Variants in ORC6 observed in about 807,000 individuals in gnomAD.
ORC6 encodes the protein origin recognition complex, subunit 6 homolog-like (yeast).
A neutral mutation model predicts 30.0 loss-of-function variants in ORC6; 31 were observed. The observed-to-expected ratio is 1.03, with a 90% CI of 0.78 to 1.40. The LOEUF (loss-of-function observed/expected upper bound fraction) is 1.40, where lower values mean the gene tolerates loss of function less well. Ranked by LOEUF, ORC6 falls within the 40% of genes most tolerant of loss-of-function variation. The pLI is 0.00. For missense variants in ORC6, 340 were observed against 304.3 expected (o/e 1.12, Z -0.87); for synonymous variants, 136 against 111.2 (o/e 1.22, Z -1.40).
intron 3 of ORC6, among the ~76,000 whole-genome samples, chr16:46,692,783 G>T (rs990592541): frequency 6.6e-6 from 1 of 152,136 alleles, no homozygotes; most frequent in East Asian, 1.9e-4. Flanking sequence ...CAGGAGAATT[G>T]CTTGAACCCA....
intron 4 of ORC6, chr16:46,695,208 C>T: frequency 3.8e-6 from 1 of 260,174 alleles, no homozygotes; most frequent in Non-Finnish European, 7.5e-6. Context: ...TGTTACATTC[C>T]TGTAATATAA....
chr16:46,691,983 C>CTCTCTCTCTCTCTCTCT (rs1357880671), intron 2 of ORC6, among the ~76,000 whole-genome samples: 35 of 148,750 alleles, frequency 2.4e-4, no homozygotes, highest in African/African-American at 3.7e-4. Flanking sequence ...CTCTCTCTCA[C>CTCTCTCTCTCTCTCTCT]CACCCCGCCC....
At chr16:46,690,485 C>T (rs1289009893) in intron 1 of ORC6, among the ~76,000 whole-genome samples, 6 of 152,174 alleles carry the variant, frequency 3.9e-5, no homozygotes, top group Non-Finnish European at 8.8e-5. Context: ...CAGTGGTTCT[C>T]AAAATGTGGT....
Position 46,698,030 on chromosome 16 carries a change from A to G in ORC6, c.*445A>G, listed in dbSNP as rs1215119059. The stretch of plus-strand genomic sequence containing the variant: ...CTCAGTAGGCTGAGACAGGAGCATC[A>G]CTTGAACGTGGGAGGCAGAGGTTGC... On this transcript the variant is annotated 3_prime_UTR_variant, in exon 7 of 7. Coordinates refer to ENST00000219097, the MANE Select transcript of ORC6 (RefSeq NM_014321.4). The G allele has an allele frequency of 4.9e-6, 2 of 409,334 alleles. No individual in the cohort carries two copies. Among genetic ancestry groups the G allele is most frequent in the East Asian group, 7.2e-5 (1 of 13,850 alleles). The allele number at this position is 409,334 out of a possible 1,614,324, so 25.4% of individuals were successfully genotyped here. A position where few individuals can be genotyped will look rare whatever the true frequency, so the allele number is the denominator to read the frequency against.
chr16:46,693,470 AG>A, intron 4 of ORC6: 1 of 482,992 alleles, frequency 2.1e-6, no homozygotes, highest in African/African-American at 1.9e-5. Flanking sequence ...TCATTAAAAC[AG>A]TCTTCACATG....
Position 46,697,622 on chromosome 16 carries a change from A to T in ORC6, c.*37A>T, listed in dbSNP as rs766677604. 3.7e-6 allele frequency: 6 copies of T among 1,603,492 alleles called. No homozygotes were observed. The highest frequency in any genetic ancestry group is 5.1e-6 in the Non-Finnish European group (6 of 1,170,554). On this transcript the variant is annotated 3_prime_UTR_variant, in exon 7 of 7. Coordinates refer to ENST00000219097, the MANE Select transcript of ORC6 (RefSeq NM_014321.4). ...AAACTGGTATACATTCCAAACTGAT[A>T]GTACATTGCCATCTCCAGGAAGACT...
In ORC6 at chr16:46,697,941, C is replaced by G. The variant is rs1243206753; in HGVS notation, c.*356C>G. On this transcript the variant is annotated 3_prime_UTR_variant, in exon 7 of 7. Coordinates refer to ENST00000219097, the MANE Select transcript of ORC6 (RefSeq NM_014321.4). ...ACCAGCCTGGCCAACATGGTGAAAC[C>G]CCATCTCTACTAAAAATACAAAAAT... 2.2e-6 allele frequency: 1 copy of G among 448,324 alleles called. No individual in the cohort carries two copies. The highest frequency in any genetic ancestry group is 4.5e-6 in the Non-Finnish European group (1 of 223,012). The allele number at this position is 448,324 out of a possible 1,614,324, so 27.8% of individuals were successfully genotyped here.
chr16:46,693,377 C>T (rs1259443781), intron 4 of ORC6, 195 bp downstream of exon 4: 4 of 605,086 alleles, frequency 6.6e-6, no homozygotes, highest in Non-Finnish European at 1.2e-5. Context: ...CTAGTGTTGC[C>T]AGAATTCCAC....
In ORC6 at chr16:46,698,038, G is replaced by A. The variant is rs559903904; in HGVS notation, c.*453G>A. ...GCTGAGACAGGAGCATCACTTGAAC[G>A]TGGGAGGCAGAGGTTGCAGTGAGCC... On this transcript the variant is annotated 3_prime_UTR_variant, in exon 7 of 7. Coordinates refer to ENST00000219097, the MANE Select transcript of ORC6 (RefSeq NM_014321.4). The A allele has an allele frequency of 3.9e-5, 16 of 408,972 alleles. No individual in the cohort carries two copies. Among genetic ancestry groups the A allele is most frequent in the African/African-American group, 1.2e-4 (6 of 48,960 alleles). 25.3% of individuals were successfully genotyped at this position (408,972 alleles called of 1,614,324 possible).
chr16:46,695,616 A>G lies in ORC6; in HGVS notation c.504A>G (p.Lys168=). The change falls in exon 5 of 7, where the codon AAA becomes AAG. Residue 168 remains lysine, a synonymous_variant. Transcript: ENST00000219097. ...AAATGGTAGCCACATCCGGTGTAAAAAAAGCTATATTTGATCGACTGTGTA... is the reference window on the plus strand; with the variant it reads ...AAATGGTAGCCACATCCGGTGTAAAGAAAGCTATATTTGATCGACTGTGTA... ...KNKMVATSGV[K]KAIFDRLCKQ... 6.2e-7 allele frequency: 1 copy of G among 1,614,002 alleles called. No homozygotes were observed.
At chr16:46,690,947 A>C in intron 1 of ORC6, 44 bp from the exon 2 acceptor site, 3 of 1,612,760 alleles carry the variant, frequency 1.9e-6, no homozygotes, top group Non-Finnish European at 2.5e-6. Flanking sequence ...GTGTTGAGCA[A>C]ACTTCTGAAT....
chr16:46,692,975 C>T lies in ORC6; in HGVS notation c.360-118C>T, dbSNP rs1427812536. 5.9e-5 allele frequency: 44 copies of T among 745,284 alleles called. 1 individual carries two copies. In the South Asian group the frequency reaches 6.0e-4, roughly 10 times the overall value. 46.2% of individuals were successfully genotyped at this position (745,284 alleles called of 1,614,324 possible). On this transcript the variant is annotated intron_variant, in intron 3 of 6. Coordinates refer to ENST00000219097, the MANE Select transcript of ORC6 (RefSeq NM_014321.4). ...ATTTTCAGTCTTAAAAAAAATGACT[C>T]GTGTTAAGTGACAGCACACATATCC...
intron 6 of ORC6, among the ~76,000 whole-genome samples, chr16:46,696,433 C>T (rs1270839655): frequency 6.6e-6 from 1 of 152,136 alleles, no homozygotes; most frequent in Non-Finnish European, 1.5e-5. Context: ...AGTTGTATAA[C>T]AAGTCAGCTG....
chr16:46,690,906 G>C, intron 1 of ORC6, 85 bp from the exon 2 acceptor site: 1 of 1,442,152 alleles, frequency 6.9e-7, no homozygotes, highest in East Asian at 2.3e-5. Flanking sequence ...TTAGTGTGAA[G>C]CTAACCAGGC....
In ORC6 at chr16:46,693,187, G is replaced by A. The variant is rs572314014; in HGVS notation, c.449+5G>A. On this transcript the variant is annotated splice_donor_5th_base_variant and intron_variant, in intron 4 of 6. Transcript: ENST00000219097. ...TGCACTGCTTTCAGCATGCAAGTAGGTATTTCATTAAACATTCAGAAAAGT... is the reference window on the plus strand; with the variant it reads ...TGCACTGCTTTCAGCATGCAAGTAGATATTTCATTAAACATTCAGAAAAGT... 1.8e-4 allele frequency: 291 copies of A among 1,593,704 alleles called. No homozygotes were observed. Among genetic ancestry groups the A allele is most frequent in the Non-Finnish European group, 2.3e-4 (271 of 1,161,718 alleles).
In ORC6 at chr16:46,697,850, C is replaced by CAA; in HGVS notation, c.*266_*267insAA. 1 of 520,266 alleles carries CAA rather than the reference C, an allele frequency of 1.9e-6. No individual in the cohort carries two copies. The highest frequency in any genetic ancestry group is 5.6e-4 in the Middle Eastern group (1 of 1,792). The allele number at this position is 520,266 out of a possible 1,614,324, so 32.2% of individuals were successfully genotyped here. A position where few individuals can be genotyped will look rare whatever the true frequency, so the allele number is the denominator to read the frequency against. ...GAATTGGAGGCCGGGCGCAGTGGCTCACGCCTGTAATCCCAGCACTTTGGG... is the reference window on the plus strand; with the variant it reads ...GAATTGGAGGCCGGGCGCAGTGGCTCAAACGCCTGTAATCCCAGCACTTTGGG... On this transcript the variant is annotated 3_prime_UTR_variant, in exon 7 of 7. Transcript: ENST00000219097.
chr16:46,689,981 C>G (rs1184424270), intron 1 of ORC6, among the ~76,000 whole-genome samples: 1 of 152,232 alleles, frequency 6.6e-6, no homozygotes, highest in Admixed American at 6.5e-5. Context: ...GGCGATGGCA[C>G]ACGTCCCTGG....
chr16:46,695,925 T>G, intron 5 of ORC6, 92 bp from the exon 6 acceptor site: 1 of 948,314 alleles, frequency 1.1e-6, no homozygotes, highest in South Asian at 1.3e-5. Context: ...TTTGATCAGT[T>G]AAGATGTCTA....
At chr16:46,691,268 T>A in intron 2 of ORC6, 148 bp downstream of exon 2, 1 of 823,474 alleles carries the variant, frequency 1.2e-6, no homozygotes, top group Admixed American at 2.0e-5. Flanking sequence ...TGTAGAATCA[T>A]TTTGCATTGG....
Sources: gnomAD v4.1 joint callset for allele counts (sites outside exome capture counted in the v4.1 genomes callset) on GRCh38, gnomAD v4.1.1 for gene constraint, MANE v1.5 for transcripts, NCBI Gene and HGNC (gene_info 2026-07-23, HGNC 2026-07-21) for gene names.